VPS13B: variants seen among roughly 807,000 people sequenced by gnomAD.
VPS13B encodes the protein vacuolar protein sorting 13 homolog B, also known as intermembrane lipid transfer protein VPS13B.
VPS13B carries 285 observed loss-of-function variants against 426.4 expected under a neutral mutation model. That is an observed-to-expected ratio of 0.67 (90% CI 0.61 to 0.74). The LOEUF is 0.74. Among genes scored for constraint, VPS13B ranks in the 30% least tolerant of loss-of-function variants. The pLI, the probability that VPS13B is intolerant of heterozygous loss-of-function variation, is 0.00. For missense variants in VPS13B, 4,537 were observed against 4,782.6 expected, an observed-to-expected ratio of 0.95 and a Z score of 1.51; for synonymous variants, 1,676 against 1,676.4, an observed-to-expected ratio of 1.00 and a Z score of 0.01.
chr8:99,721,811 C>T (rs1373835615), intron 39 of VPS13B, among the ~76,000 whole-genome samples: 1 of 152,172 alleles, frequency 6.6e-6, no homozygotes, highest in Non-Finnish European at 1.5e-5. Flanking sequence ...CCTATTCCAT[C>T]TACTTCTCTG....
chr8:99,433,741 C>T (rs901168225), intron 22 of VPS13B, among the ~76,000 whole-genome samples: 1 of 152,016 alleles, frequency 6.6e-6, no homozygotes, highest in Admixed American at 6.6e-5. Context: ...AAGGAGAAAG[C>T]TTTAGTGTGT....
intron 30 of VPS13B, chr8:99,536,993 CCTT>C (rs1318494669): frequency 2.9e-6 from 1 of 340,442 alleles, no homozygotes; most frequent in Non-Finnish European, 5.7e-6. Context: ...AATATCTTGT[CCTT>C]CTGGTAAACC....
intron 3 of VPS13B, among the ~76,000 whole-genome samples, chr8:99,063,992 G>A (rs929995363): frequency 1.3e-5 from 2 of 152,298 alleles, no homozygotes; most frequent in African/African-American, 4.8e-5. Flanking sequence ...CAACAGACTT[G>A]CAGCTGAGGG....
At chr8:99,062,134 C>T (rs181925506) in intron 3 of VPS13B, among the ~76,000 whole-genome samples, 68 of 152,258 alleles carry the variant, frequency 4.5e-4, no homozygotes, top group African/African-American at 1.5e-3. Flanking sequence ...GAAGTTAGAT[C>T]GATTCTCAAC....
At chr8:99,126,166 C>T (rs921816374) in intron 8 of VPS13B, among the ~76,000 whole-genome samples, 12 of 152,070 alleles carry the variant, frequency 7.9e-5, no homozygotes, top group East Asian at 3.9e-4. Flanking sequence ...CTTGCACCCA[C>T]ATAAGTGGTT....
intron 25 of VPS13B, 110 bp downstream of exon 25, chr8:99,481,912 T>A: frequency 7.7e-7 from 1 of 1,305,100 alleles, no homozygotes; most frequent in Non-Finnish European, 1.1e-6. Flanking sequence ...ACTGATAGAT[T>A]CTGAAGGTTC....
chr8:99,378,661 A>G (rs1401915747), intron 19 of VPS13B, among the ~76,000 whole-genome samples: 1 of 152,188 alleles, frequency 6.6e-6, no homozygotes, highest in Non-Finnish European at 1.5e-5. Flanking sequence ...AGGTCCTTCC[A>G]TTTGGGGTCC....
chr8:99,777,455 A>C (rs1484903833), intron 41 of VPS13B, among the ~76,000 whole-genome samples: 3 of 152,132 alleles, frequency 2.0e-5, no homozygotes, highest in Admixed American at 2.0e-4. Flanking sequence ...TAACCATCAG[A>C]TCTCGTGAGA....
At chr8:99,168,283 G>A (rs1812130398) in intron 15 of VPS13B, among the ~76,000 whole-genome samples, 1 of 152,058 alleles carries the variant, frequency 6.6e-6, no homozygotes, top group African/African-American at 2.4e-5. Flanking sequence ...AGAATAGTAT[G>A]TAGTTTCCCC....
intron 19 of VPS13B, among the ~76,000 whole-genome samples, chr8:99,308,315 G>A (rs1820749630): frequency 6.6e-6 from 1 of 151,956 alleles, no homozygotes; most frequent in Non-Finnish European, 1.5e-5. Context: ...ATCTCCTAAT[G>A]CTATCTCTCC....
intron 17 of VPS13B, among the ~76,000 whole-genome samples, chr8:99,205,013 C>T (rs1444552607): frequency 2.0e-5 from 3 of 152,104 alleles, no homozygotes; most frequent in Non-Finnish European, 4.4e-5. Flanking sequence ...GGGTATATAC[C>T]CAAAGGATTA....
intron 17 of VPS13B, among the ~76,000 whole-genome samples, chr8:99,231,779 G>A (rs1196082008): frequency 6.6e-6 from 1 of 152,002 alleles, no homozygotes; most frequent in African/African-American, 2.4e-5. Context: ...TTATAAAATC[G>A]GTAAATTTAA....
intron 33 of VPS13B, among the ~76,000 whole-genome samples, chr8:99,629,498 T>C (rs1828750764): frequency 6.6e-6 from 1 of 152,156 alleles, no homozygotes; most frequent in African/African-American, 2.4e-5. Flanking sequence ...GACAGCTTGT[T>C]CTACAGCATT....
In VPS13B at chr8:99,859,015, G is replaced by A. The variant is rs373191972; in HGVS notation, c.10868-289G>A. 4.1e-4 allele frequency among the ~76,000 whole-genome samples: 63 copies of A among 152,076 alleles called. 1 individual carries two copies. The highest frequency in any genetic ancestry group is 3.0e-3 in the Admixed American group (46 of 15,278). The stretch of plus-strand genomic sequence containing the variant: ...TCAGGTGGTAGCAGAGTGCATCCCC[G>A]CCACATGGACCCCCGTTAGCAGGAA... On this transcript the variant is annotated intron_variant, in intron 56 of 61. Coordinates refer to ENST00000357162, the MANE Select transcript of VPS13B (RefSeq NM_152564.5).
chr8:99,128,179 A>G (rs1809533778), intron 8 of VPS13B, among the ~76,000 whole-genome samples: 1 of 151,846 alleles, frequency 6.6e-6, no homozygotes, highest in Non-Finnish European at 1.5e-5. Flanking sequence ...TCATGAGGTC[A>G]GGAGTTCGAG....
chr8:99,233,498 C>G (rs1588160499), intron 17 of VPS13B: 1 of 1,298,838 alleles, frequency 7.7e-7, no homozygotes, highest in African/African-American at 1.5e-5. Flanking sequence ...ATCTCCTGCT[C>G]TTGATAAGAA....
At chr8:99,195,644 G>T (rs1186665351) in intron 17 of VPS13B, among the ~76,000 whole-genome samples, 1 of 152,068 alleles carries the variant, frequency 6.6e-6, no homozygotes, top group East Asian at 1.9e-4. Context: ...TCAATGCCCA[G>T]ACCAATGAAG....
intron 2 of VPS13B, among the ~76,000 whole-genome samples, chr8:99,025,772 G>T (rs923573061): frequency 2.0e-5 from 3 of 151,922 alleles, no homozygotes; most frequent in African/African-American, 7.3e-5. Context: ...GTTTCTTCTT[G>T]GTTCAATTTT....
chr8:99,236,540 G>A (rs926691202), intron 17 of VPS13B, among the ~76,000 whole-genome samples: 12 of 152,164 alleles, frequency 7.9e-5, no homozygotes, highest in East Asian at 3.9e-4. Context: ...ATGAACTACC[G>A]TGCCTGACCT....
Sources: gnomAD v4.1 joint callset for allele counts (sites outside exome capture counted in the v4.1 genomes callset) on GRCh38, gnomAD v4.1.1 for gene constraint, MANE v1.5 for transcripts, NCBI Gene and HGNC (gene_info 2026-07-23, HGNC 2026-07-21) for gene names.